The following OSBPL6 variants were observed in gnomAD, a reference collection of about 807,000 sequenced individuals.
OSBPL6 encodes the protein oxysterol binding protein like 6.
OSBPL6 carries 49 observed loss-of-function variants against 125.8 expected under a neutral mutation model. That is an observed-to-expected ratio of 0.39 (90% CI 0.31 to 0.49). The LOEUF is 0.49. Ranked by LOEUF, OSBPL6 falls within the 20% of genes least tolerant of loss-of-function variation. OSBPL6 has a pLI of 0.88. For synonymous variants in OSBPL6, 394 were observed against 391.8 expected (o/e 1.01, Z -0.07); for missense variants, 986 against 1,135.4 (o/e 0.87, Z 1.89).
rs538412837 is a variant in OSBPL6 at position 178,201,680 on chromosome 2, A to T, written c.-351+7006A>T. ...GAGGCTCTGAGAGGTGAGGTGTCCGAGCCAGTGCCAGACTTGTACTGACCA... is the reference window on the plus strand; with the variant it reads ...GAGGCTCTGAGAGGTGAGGTGTCCGTGCCAGTGCCAGACTTGTACTGACCA... On this transcript the variant is annotated intron_variant, in intron 1 of 24. Transcript: ENST00000190611. 4.6e-5 allele frequency among the ~76,000 whole-genome samples: 7 copies of T among 152,338 alleles called. No homozygotes were observed. The South Asian group carries it at 1.0e-3, about 23-fold the overall frequency.
chr2:178,207,731 G>A (rs1327349631), intron 1 of OSBPL6, among the ~76,000 whole-genome samples: 1 of 152,086 alleles, frequency 6.6e-6, no homozygotes, highest in Non-Finnish European at 1.5e-5. Flanking sequence ...TTTGTCTGGG[G>A]AGGAGGGTGG....
intron 2 of OSBPL6, among the ~76,000 whole-genome samples, chr2:178,290,424 GT>G (rs55767106): frequency 0.45 from 57,096 of 128,144 alleles, 9,967 homozygotes; most frequent in Admixed American, 0.46. Flanking sequence ...AATTGTAGTG[GT>G]TTTTTTTTTT....
At chr2:178,374,157 C>A in intron 15 of OSBPL6, 130 bp downstream of exon 15, 4 of 1,105,330 alleles carry the variant, frequency 3.6e-6, no homozygotes, top group Non-Finnish European at 5.1e-6. Flanking sequence ...GTAAAATGTC[C>A]AAATTGCAGC....
In OSBPL6 at chr2:178,250,795, A is replaced by C. The variant is rs555914051; in HGVS notation, c.-350-34132A>C. On this transcript the variant is annotated intron_variant, in intron 1 of 24. Coordinates refer to ENST00000190611, the MANE Select transcript of OSBPL6 (RefSeq NM_032523.4). ...TGTATTCTCACAGATCCTGCTCTGT[A>C]CCTTCATGGTGCTGAACCCAACTTG... Among the ~76,000 whole-genome samples the C allele has an allele frequency of 2.6e-5, 4 of 152,256 alleles. No individual in the cohort carries two copies. The East Asian group carries it at 7.7e-4, about 29-fold the overall frequency.
At chr2:178,352,840 G>A (rs886194333) in intron 12 of OSBPL6, among the ~76,000 whole-genome samples, 19 of 152,150 alleles carry the variant, frequency 1.2e-4, no homozygotes, top group African/African-American at 4.3e-4. Flanking sequence ...CCCAGTAAGG[G>A]CCAACAGACA....
At chr2:178,201,966 G>A (rs1574466223) in intron 1 of OSBPL6, among the ~76,000 whole-genome samples, 1 of 152,156 alleles carries the variant, frequency 6.6e-6, no homozygotes, top group Admixed American at 6.5e-5. Context: ...TTCGGGAATG[G>A]CAGAATCCAG....
In OSBPL6 at chr2:178,372,242, C is replaced by T. The variant is rs984176575; in HGVS notation, c.1395+9C>T. 1 of 1,571,266 alleles carries T rather than the reference C, an allele frequency of 6.4e-7. No homozygotes were observed. The highest frequency in any genetic ancestry group is 8.7e-7 in the Non-Finnish European group (1 of 1,151,070). On this transcript the variant is annotated intron_variant, in intron 14 of 24. Transcript: ENST00000190611. ...TTCCTAGCCCTGATGAGGTAAGACT[C>T]ATTTTAAATAGATGCAGAGTACCTA...
At chr2:178,333,068 C>T in intron 8 of OSBPL6, 27 bp downstream of exon 8, 2 of 1,609,076 alleles carry the variant, frequency 1.2e-6, no homozygotes, top group South Asian at 1.1e-5. Context: ...TAAAAACCAG[C>T]CTGAAAATTG....
chr2:178,313,935 G>A (rs915656557), intron 3 of OSBPL6, among the ~76,000 whole-genome samples: 3 of 152,194 alleles, frequency 2.0e-5, no homozygotes, highest in Admixed American at 2.0e-4. Flanking sequence ...TAAAGAAGGT[G>A]CCTGGAAAAC....
At chr2:178,269,117 A>G (rs1574693710) in intron 1 of OSBPL6, among the ~76,000 whole-genome samples, 1 of 152,136 alleles carries the variant, frequency 6.6e-6, no homozygotes, top group Admixed American at 6.6e-5. Flanking sequence ...ACTCTTCTTT[A>G]ATACCATTTA....
chr2:178,287,149 TAAAA>T (rs66530877), intron 2 of OSBPL6, among the ~76,000 whole-genome samples: 3,021 of 125,410 alleles, frequency 0.024, 51 homozygotes, highest in South Asian at 0.065. Context: ...CTTCTTTTTT[TAAAA>T]AAAAAAAAAA....
chr2:178,265,249 T>C (rs1330178143), intron 1 of OSBPL6, among the ~76,000 whole-genome samples: 1 of 121,436 alleles, frequency 8.2e-6, no homozygotes, highest in African/African-American at 3.2e-5. Flanking sequence ...TCTTGCTCTG[T>C]CACCCAGGCT....
Position 178,260,377 on chromosome 2 carries a change from A to ATATGTATATGTG in OSBPL6, c.-350-24545_-350-24544insATATGTGTATGT, listed in dbSNP as rs1553536460. On this transcript the variant is annotated intron_variant, in intron 1 of 24. Transcript: ENST00000190611. ...CCAAGCTATATGTATATGTATATGTATATGTGTATGTGTATGTGTATGTAT... is the reference window on the plus strand; with the variant it reads ...CCAAGCTATATGTATATGTATATGTATATGTATATGTGTATGTGTATGTGTATGTGTATGTAT... Among the ~76,000 whole-genome samples the ATATGTATATGTG allele has an allele frequency of 2.0e-3, 310 of 151,950 alleles. 2 individuals carry two copies. The highest frequency in any genetic ancestry group is 7.2e-3 in the African/African-American group (298 of 41,296).
chr2:178,383,410 G>A (rs796519620), intron 17 of OSBPL6, 133 bp downstream of exon 17: 1 of 1,346,470 alleles, frequency 7.4e-7, no homozygotes, highest in Non-Finnish European at 9.8e-7. Context: ...GAATTGATCT[G>A]TTTGCATAAA....
At chr2:178,240,393 C>A (rs575537488) in intron 1 of OSBPL6, among the ~76,000 whole-genome samples, 31 of 152,022 alleles carry the variant, frequency 2.0e-4, no homozygotes, top group African/African-American at 7.5e-4. Context: ...CATGGCGAGA[C>A]CCCCATCTCT....
chr2:178,236,712 G>A (rs1053787752), intron 1 of OSBPL6, among the ~76,000 whole-genome samples: 4 of 152,268 alleles, frequency 2.6e-5, no homozygotes, highest in Admixed American at 6.5e-5. Context: ...TCCCGCCCCC[G>A]CTTGGATGCC....
At chr2:178,353,672 T>G (rs1423531148) in intron 12 of OSBPL6, among the ~76,000 whole-genome samples, 1 of 152,128 alleles carries the variant, frequency 6.6e-6, no homozygotes, top group African/African-American at 2.4e-5. Flanking sequence ...AAAACACTCT[T>G]CAGGATATTA....
intron 1 of OSBPL6, among the ~76,000 whole-genome samples, chr2:178,204,373 G>T (rs1300694083): frequency 6.6e-6 from 1 of 152,168 alleles, no homozygotes; most frequent in African/African-American, 2.4e-5. Flanking sequence ...AAATCTCTCT[G>T]TGAACATCTC....
At chr2:178,255,214 G>T (rs932456939) in intron 1 of OSBPL6, among the ~76,000 whole-genome samples, 4 of 152,266 alleles carry the variant, frequency 2.6e-5, no homozygotes, top group African/African-American at 9.6e-5. Context: ...TGAGGCAGGA[G>T]AATTGCTTGA....
Sources: gnomAD v4.1 joint callset for allele counts (sites outside exome capture counted in the v4.1 genomes callset) on GRCh38, gnomAD v4.1.1 for gene constraint, MANE v1.5 for transcripts, NCBI Gene and HGNC (gene_info 2026-07-23, HGNC 2026-07-21) for gene names.